Variants in EPS8L1 observed in about 807,000 individuals in gnomAD.
EPS8L1 encodes the protein EPS8 signaling adaptor L1, also known as epidermal growth factor receptor kinase substrate 8-like protein 1.
A neutral mutation model predicts 91.7 loss-of-function variants in EPS8L1; 101 were observed. The ratio of observed to expected loss-of-function variants is 1.10; its 90% CI spans 0.94 to 1.30. The LOEUF (loss-of-function observed/expected upper bound fraction) is 1.30, where lower values mean the gene tolerates loss of function less well. Ranked by LOEUF, EPS8L1 falls within the 50% of genes most tolerant of loss-of-function variation. The pLI is 0.00. For missense variants in EPS8L1, 1,114 were observed against 1,017.0 expected, an observed-to-expected ratio of 1.10 and a Z score of -1.30; for synonymous variants, 506 against 445.3, an observed-to-expected ratio of 1.14 and a Z score of -1.72.
Position 55,079,854 on chromosome 19 carries a change from G to A in EPS8L1, c.279+3G>A. The A allele has an allele frequency of 6.2e-7, 1 of 1,609,846 alleles. No individual in the cohort carries two copies. The highest frequency in any genetic ancestry group is 8.5e-7 in the Non-Finnish European group (1 of 1,178,086). On this transcript the variant is annotated splice_donor_region_variant and intron_variant, in intron 5 of 19. Transcript: ENST00000201647. Reference sequence around the variant, plus strand: ...CGCTGCTCGACCCGGCCTCCAAGGTGCCGGGGGGCACGTGGGTGGGAGGAG... The same window carrying A: ...CGCTGCTCGACCCGGCCTCCAAGGTACCGGGGGGCACGTGGGTGGGAGGAG...
chr19:55,076,502 T>C (rs1277074032), intron 2 of EPS8L1, 41 bp downstream of exon 2: 1 of 1,600,586 alleles, frequency 6.2e-7, no homozygotes, highest in Non-Finnish European at 8.5e-7. Flanking sequence ...CCAGCACGCC[T>C]CCCGCCTCCC....
In EPS8L1 at chr19:55,086,092, T is replaced by C. The variant is rs766000158; in HGVS notation, c.1550T>C (p.Val517Ala). ...VLDDSRKWWK[V>A]RDPAGQEGYV... ...GATGACAGTCGTAAGTGGTGGAAGG[T>C]TCGGGACCCAGCGGGGCAGGAGGGA... The change falls in exon 16 of 20, where the codon GTT becomes GCT. Residue 517 changes from valine (V) to alanine (A), a missense_variant. Coordinates refer to ENST00000201647, the MANE Select transcript of EPS8L1 (RefSeq NM_133180.3). 2 of 1,602,768 alleles carry C rather than the reference T, an allele frequency of 1.2e-6. No individual in the cohort carries two copies. The highest frequency in any genetic ancestry group is 1.7e-6 in the Non-Finnish European group (2 of 1,173,044).
At chr19:55,080,943 G>C in intron 7 of EPS8L1, 89 bp downstream of exon 7, 1 of 1,282,808 alleles carries the variant, frequency 7.8e-7, no homozygotes, top group African/African-American at 1.5e-5. Context: ...AACAGAACAA[G>C]AGTTTTGCAT....
At position 55,087,420 on chromosome 19, in the gene EPS8L1, GCGCT is replaced by G; in HGVS notation, c.2075_2078del (p.Ser692CysfsTer14). ...GTGTGTACAGCCAGGTCACCGTGCA[GCGCT>G]CGCTGCTGGAGGTGAGCCGGACCGC... On this transcript the variant is annotated frameshift_variant, in exon 19 of 20. Transcript: ENST00000201647. LOFTEE classifies it high-confidence loss of function. The G allele has an allele frequency of 6.2e-7, 1 of 1,614,168 alleles. No homozygotes were observed. The highest frequency in any genetic ancestry group is 8.5e-7 in the Non-Finnish European group (1 of 1,180,022).
intron 18 of EPS8L1, 38 bp from the exon 19 acceptor site, chr19:55,087,264 GC>G (rs1392445826): frequency 5.8e-6 from 9 of 1,560,116 alleles, no homozygotes; most frequent in African/African-American, 1.4e-5. Flanking sequence ...TGGGGCATCC[GC>G]CGACCGGCCT....
At position 55,081,353 on chromosome 19, in the gene EPS8L1, C is replaced by G. The variant is rs2076255246; in HGVS notation, c.635C>G (p.Pro212Arg). 3.2e-6 allele frequency: 5 copies of G among 1,564,972 alleles called. No homozygotes were observed. Among genetic ancestry groups the G allele is most frequent in the Non-Finnish European group, 4.3e-6 (5 of 1,159,296 alleles). Residue 212 changes from proline (P) to arginine (R), a missense_variant, in exon 8 of 20, where the codon CCC (proline) becomes CGC (arginine). Transcript: ENST00000201647. The surrounding 1 kb of genome is among the most constrained non-coding windows in gnomAD (Gnocchi z 4.9). ...GAGCGGGGCGCGGGCCGCGGACGACCCCAGGCGAAGCCCATTCCCGAGGCA... is the reference window on the plus strand; with the variant it reads ...GAGCGGGGCGCGGGCCGCGGACGACGCCAGGCGAAGCCCATTCCCGAGGCA... ...TVERGAGRGR[P>R]QAKPIPEAEE...
rs1628576 is a variant in EPS8L1 at position 55,083,628 on chromosome 19, C to G, written c.1369C>G (p.Gln457Glu). 305,666 of 1,593,944 alleles carry G rather than the reference C, an allele frequency of 0.19. 30,816 individuals carry two copies. The highest frequency in any genetic ancestry group is 0.22 in the Middle Eastern group (1,337 of 6,030). Reference protein sequence around the residue: ...ERRRRQQSAPQVAVNGHRDLE... With the variant: ...ERRRRQQSAPEVAVNGHRDLE... ...TTACTTCCTACAGCAAAGCGCCCCC[C>G]AGGTCGCTGTCAATGGGTGAGTGTC... Residue 457 changes from glutamine to glutamate, a missense_variant, in exon 14 of 20, where the codon CAG (glutamine) becomes GAG (glutamate). Coordinates refer to ENST00000201647, the MANE Select transcript of EPS8L1 (RefSeq NM_133180.3). This position sits in a 1 kb window ranked among gnomAD's most constrained non-coding sequence, Gnocchi z 4.7.
chr19:55,076,330 C>A (rs1171045952), intron 1 of EPS8L1, 78 bp from the exon 2 acceptor site: 3 of 1,323,282 alleles, frequency 2.3e-6, no homozygotes, highest in Non-Finnish European at 3.2e-6. Context: ...GGCCTGGATG[C>A]CTGCATTGAG....
intron 6 of EPS8L1, 158 bp downstream of exon 6, chr19:55,080,436 C>A: frequency 6.2e-7 from 1 of 1,607,658 alleles, no homozygotes; most frequent in Non-Finnish European, 8.5e-7. Context: ...TTCTGGAAGG[C>A]AGTGGGGTTT....
chr19:55,080,824 G>A lies in EPS8L1; in HGVS notation c.482G>A (p.Gly161Asp). The change falls in exon 7 of 20, where the codon GGC (glycine) becomes GAC (aspartate). Residue 161 changes from glycine to aspartate, a missense_variant. By Grantham distance (94) the Gly-to-Asp change is moderately conservative (BLOSUM62 -1). Transcript: ENST00000201647. Reference sequence around the variant, plus strand: ...GGGGCTCTGCACAATTACCGCTCGGGCCGCGGGGAGCGCAGGGCGGCGGCG... The same window carrying A: ...GGGGCTCTGCACAATTACCGCTCGGACCGCGGGGAGCGCAGGGCGGCGGCG... ...IQGALHNYRS[G>D]RGERRAAALR... is the part of the protein sequence containing the mutation. The A allele has an allele frequency of 6.2e-7, 1 of 1,611,560 alleles. No individual in the cohort carries two copies. The highest frequency in any genetic ancestry group is 8.5e-7 in the Non-Finnish European group (1 of 1,178,804).
intron 14 of EPS8L1, 149 bp from the exon 15 acceptor site, chr19:55,085,692 A>G (rs1466385762): frequency 3.4e-6 from 3 of 882,314 alleles, no homozygotes; most frequent in African/African-American, 3.4e-5. Flanking sequence ...TCAGTCTGTT[A>G]TTCTTGTTTC....
chr19:55,077,931 T>TTAA (rs1568774029), intron 2 of EPS8L1, among the ~76,000 whole-genome samples, 157 bp from the exon 3 acceptor site: 45 of 138,690 alleles, frequency 3.2e-4, no homozygotes, highest in East Asian at 1.7e-3. Context: ...GCTCTCCTGC[T>TTAA]CAATAATAAT....
At chr19:55,085,770 A>C in intron 14 of EPS8L1, 71 bp from the exon 15 acceptor site, 1 of 1,556,734 alleles carries the variant, frequency 6.4e-7, no homozygotes, top group Non-Finnish European at 8.7e-7. Context: ...CCCAGCTCAC[A>C]CCAGCACCCT....
chr19:55,081,431 C>A lies in EPS8L1; in HGVS notation c.713C>A (p.Ala238Asp). The change falls in exon 8 of 20, where the codon GCC becomes GAC. Residue 238 changes from alanine (A) to aspartate (D), a missense_variant. Transcript: ENST00000201647. The surrounding 1 kb of genome is among the most constrained non-coding windows in gnomAD (Gnocchi z 4.9). ...PVGTSSNADS[A>D]SPDLGPRGPD... ...GGGACCTCGAGCAACGCTGACTCGG[C>A]CTCCCCGGACCTGGGTCCCCGGGGT... 2 of 1,600,948 alleles carry A rather than the reference C, an allele frequency of 1.2e-6. No individual in the cohort carries two copies. Among genetic ancestry groups the A allele is most frequent in the Admixed American group, 1.7e-5 (1 of 58,516 alleles).
chr19:55,086,634 C>CGGCCCCCCCCCCCCCCCCCAGGGCCCCCG, intron 17 of EPS8L1, 80 bp from the exon 18 acceptor site: 3 of 1,374,856 alleles, frequency 2.2e-6, no homozygotes, highest in Non-Finnish European at 2.9e-6. Flanking sequence ...GACGCTGGAG[C>CGGCCCCCCCCCCCCCCCCCAGGGCCCCCG]GCCCCCCCGC....
intron 18 of EPS8L1, 126 bp from the exon 19 acceptor site, chr19:55,087,177 C>T (rs1326425494): frequency 2.2e-6 from 3 of 1,394,592 alleles, no homozygotes; most frequent in African/African-American, 2.9e-5. Context: ...CAGGAGGTGT[C>T]GGGCCTGCCC....
Position 55,086,794 on chromosome 19 carries a change from G to GA in EPS8L1, c.1858_1859insA (p.Val620AspfsTer30). The GA allele has an allele frequency of 6.2e-7, 1 of 1,602,870 alleles. No homozygotes were observed. Among genetic ancestry groups the GA allele is most frequent in the South Asian group, 1.1e-5 (1 of 90,078 alleles). On this transcript the variant is annotated frameshift_variant, in exon 18 of 20. Coordinates refer to ENST00000201647, the MANE Select transcript of EPS8L1 (RefSeq NM_133180.3). LOFTEE classifies it high-confidence loss of function. Reference sequence around the variant, plus strand: ...GGGCCGCTCGGGACCGAGCCGCGCAGTCCCAGGGCCCCGCGCCCCGGAACC... The same window carrying GA: ...GGGCCGCTCGGGACCGAGCCGCGCAGATCCCAGGGCCCCGCGCCCCGGAACC...
At chr19:55,086,643 G>GGGCCCCCCC in intron 17 of EPS8L1, 71 bp from the exon 18 acceptor site, 1 of 817,516 alleles carries the variant, frequency 1.2e-6, no homozygotes, top group Non-Finnish European at 1.7e-6. Context: ...GCGCCCCCCC[G>GGGCCCCCCC]CCCCGCCCTC....
intron 4 of EPS8L1, 112 bp downstream of exon 4, chr19:55,079,169 A>G: frequency 8.6e-7 from 1 of 1,161,884 alleles, no homozygotes; most frequent in Non-Finnish European, 1.3e-6. Flanking sequence ...GTGGAAAGTC[A>G]GTTTGCCCAT....
Sources: gnomAD v4.1 joint callset for allele counts (sites outside exome capture counted in the v4.1 genomes callset) on GRCh38, gnomAD v4.1.1 for gene constraint, Gnocchi (gnomAD v3.1) non-coding constraint, MANE v1.5 for transcripts, NCBI Gene and HGNC (gene_info 2026-07-23, HGNC 2026-07-21) for gene names.